Variants in MCTP1 observed in about 807,000 individuals in gnomAD.
MCTP1 encodes multiple C2 and transmembrane domain containing 1, also known as multiple C2 and transmembrane domain-containing protein 1.
In MCTP1, 69 loss-of-function variants were observed where a neutral mutation model predicts 120.6. The ratio of observed to expected loss-of-function variants is 0.57; its 90% CI spans 0.47 to 0.70. The LOEUF is 0.70. Among genes scored for constraint, MCTP1 ranks in the 30% least tolerant of loss-of-function variants. The pLI, the probability that MCTP1 is intolerant of heterozygous loss-of-function variation, is 0.00. For missense variants in MCTP1, 1,203 were observed against 1,248.8 expected (o/e 0.96, Z 0.55); for synonymous variants, 529 against 493.1 (o/e 1.07, Z -0.96).
chr5:94,969,055 G>A (rs910407146), intron 2 of MCTP1, among the ~76,000 whole-genome samples: 1 of 152,038 alleles, frequency 6.6e-6, no homozygotes, highest in Non-Finnish European at 1.5e-5. Flanking sequence ...TGGTCTAAAA[G>A]TTCTAGACTA....
At chr5:95,074,583 G>A (rs1035997131) in intron 1 of MCTP1, among the ~76,000 whole-genome samples, 2 of 152,186 alleles carry the variant, frequency 1.3e-5, no homozygotes, top group African/African-American at 2.4e-5. Context: ...AGCGGGTGAA[G>A]TATAACCAAT....
chr5:95,208,863 C>T (rs1160030975), intron 1 of MCTP1, among the ~76,000 whole-genome samples: 1 of 152,062 alleles, frequency 6.6e-6, no homozygotes, highest in Admixed American at 6.6e-5. Flanking sequence ...AGCCAAAGAA[C>T]TCTCAATTTT....
intron 1 of MCTP1, among the ~76,000 whole-genome samples, chr5:95,128,799 A>C (rs990644338): frequency 1.3e-5 from 2 of 152,358 alleles, no homozygotes; most frequent in Non-Finnish European, 2.9e-5. Flanking sequence ...AAAGGCAAGA[A>C]TTACATACTT....
chr5:95,105,465 T>C (rs1757015138), intron 1 of MCTP1, among the ~76,000 whole-genome samples: 1 of 152,166 alleles, frequency 6.6e-6, no homozygotes, highest in African/African-American at 2.4e-5. Context: ...ACTAGAAAAC[T>C]ATTCCCAAGA....
chr5:94,950,590 T>C (rs182827265), intron 3 of MCTP1, among the ~76,000 whole-genome samples: 3 of 152,302 alleles, frequency 2.0e-5, no homozygotes, highest in Admixed American at 1.3e-4. Context: ...ACACCTATAC[T>C]GTATATTTAT....
chr5:94,790,152 C>T (rs1237623239), intron 18 of MCTP1, among the ~76,000 whole-genome samples: 1 of 152,168 alleles, frequency 6.6e-6, no homozygotes, highest in East Asian at 1.9e-4. Context: ...GCCACGATAG[C>T]CACTTTCTAG....
At chr5:95,064,375 T>C (rs1026225265) in intron 1 of MCTP1, among the ~76,000 whole-genome samples, 1 of 152,200 alleles carries the variant, frequency 6.6e-6, no homozygotes, top group African/African-American at 2.4e-5. Flanking sequence ...CTGCCAGTTG[T>C]GGTGTGACAG....
chr5:95,275,055 G>T (rs1344270146), intron 1 of MCTP1, among the ~76,000 whole-genome samples: 1 of 151,958 alleles, frequency 6.6e-6, no homozygotes, highest in African/African-American at 2.4e-5. Context: ...AAAATGTATT[G>T]ACGCCTACAT....
At chr5:95,168,770 T>C (rs1746793586) in intron 1 of MCTP1, among the ~76,000 whole-genome samples, 1 of 152,258 alleles carries the variant, frequency 6.6e-6, no homozygotes, top group Non-Finnish European at 1.5e-5. Context: ...TTTGCTGAAG[T>C]TGCTTATCAG....
intron 2 of MCTP1, among the ~76,000 whole-genome samples, chr5:95,005,690 A>C (rs1260094586): frequency 6.6e-6 from 1 of 151,640 alleles, no homozygotes; most frequent in Non-Finnish European, 1.5e-5. Flanking sequence ...CATGACTGTA[A>C]ATTTCCTGAG....
In MCTP1 at chr5:95,202,516, G is replaced by A. The variant is rs148578402; in HGVS notation, c.720+81340C>T. ...TTTATTGATCTGTCTCCTATTGGTT[G>A]TCTCTTTGGAGAACCCTGACTAGTA... On this transcript the variant is annotated intron_variant, in intron 1 of 22. Transcript: ENST00000515393. Among the ~76,000 whole-genome samples, 7 of 152,254 alleles carry A rather than the reference G, an allele frequency of 4.6e-5. No individual in the cohort carries two copies. In the East Asian group the frequency reaches 1.4e-3, roughly 29 times the overall value.
At chr5:95,127,242 A>C (rs1276974229) in intron 1 of MCTP1, among the ~76,000 whole-genome samples, 2 of 146,632 alleles carry the variant, frequency 1.4e-5, no homozygotes, top group Non-Finnish European at 3.0e-5. Flanking sequence ...TAGCCATCAA[A>C]TGAAAAAAAA....
At chr5:95,061,023 A>G (rs558007490) in intron 1 of MCTP1, among the ~76,000 whole-genome samples, 1 of 119,352 alleles carries the variant, frequency 8.4e-6, no homozygotes, top group Non-Finnish European at 1.7e-5. Context: ...TTTTTTTTGC[A>G]TTCTTAATTC....
chr5:94,910,779 T>C (rs891641201), intron 9 of MCTP1, among the ~76,000 whole-genome samples: 8 of 140,430 alleles, frequency 5.7e-5, no homozygotes, highest in African/African-American at 2.3e-4. Flanking sequence ...ATTTTTGGAA[T>C]CAGTAGCTAC....
At position 94,707,429 on chromosome 5, in the gene MCTP1, C is replaced by T; in HGVS notation, c.*67G>A. 1 of 1,196,768 alleles carries T rather than the reference C, an allele frequency of 8.4e-7. No individual in the cohort carries two copies. The highest frequency in any genetic ancestry group is 1.2e-6 in the Non-Finnish European group (1 of 823,526). 74.1% of individuals were successfully genotyped at this position (1,196,768 alleles called of 1,614,324 possible). A position where few individuals can be genotyped will look rare whatever the true frequency, so the allele number is the denominator to read the frequency against. The stretch of plus-strand genomic sequence containing the variant: ...AAAAGCAGAAAGAAAGGAAATGCTG[C>T]TGAGGCTGAGGGCTTTTTCTTTTAT... On this transcript the variant is annotated 3_prime_UTR_variant, in exon 23 of 23. Coordinates refer to ENST00000515393, the MANE Select transcript of MCTP1 (RefSeq NM_024717.7).
chr5:94,940,766 A>T (rs1257915962), intron 4 of MCTP1, among the ~76,000 whole-genome samples: 1 of 151,420 alleles, frequency 6.6e-6, no homozygotes, highest in Non-Finnish European at 1.5e-5. Context: ...ACATGATAAA[A>T]ACATAAGAAC....
intron 5 of MCTP1, among the ~76,000 whole-genome samples, chr5:94,938,911 C>A (rs1332666277): frequency 6.6e-6 from 1 of 152,044 alleles, no homozygotes; most frequent in Non-Finnish European, 1.5e-5. Context: ...TTCTCACTCA[C>A]CCCTCTGCAC....
chr5:94,812,197 G>C (rs1783568629), intron 17 of MCTP1, among the ~76,000 whole-genome samples: 1 of 152,150 alleles, frequency 6.6e-6, no homozygotes, highest in Admixed American at 6.5e-5. Context: ...AGGTTCAGAT[G>C]TGATGTCACA....
intron 1 of MCTP1, among the ~76,000 whole-genome samples, chr5:95,180,612 G>A (rs1450340050): frequency 6.6e-6 from 1 of 151,858 alleles, no homozygotes; most frequent in African/African-American, 2.4e-5. Flanking sequence ...ACCGGGTATA[G>A]TCCTTAACCT....
Sources: allele counts gnomAD v4.1 joint callset (sites outside exome capture counted in the v4.1 genomes callset), GRCh38; gene constraint gnomAD v4.1.1; transcripts MANE v1.5; gene names NCBI Gene and HGNC (gene_info 2026-07-23, HGNC 2026-07-21).